The following RYR2 variants were observed in gnomAD, a reference collection of about 807,000 sequenced individuals.
The protein encoded by RYR2 is ryanodine receptor 2.
A neutral mutation model predicts 601.1 loss-of-function variants in RYR2; 227 were observed. The ratio of observed to expected loss-of-function variants is 0.38; its 90% CI spans 0.34 to 0.42. The LOEUF (loss-of-function observed/expected upper bound fraction) is 0.42. Ranked by LOEUF, RYR2 falls within the 10% of genes least tolerant of loss-of-function variation. RYR2 has a pLI of 1.00. For synonymous variants in RYR2, 2,223 were observed against 2,175.1 expected (o/e 1.02, Z -0.61); for missense variants, 4,646 against 6,156.5 (o/e 0.75, Z 8.21).
At chr1:237,321,548 G>A (rs75894029) in intron 2 of RYR2, among the ~76,000 whole-genome samples, 5,786 of 152,252 alleles carry the variant, frequency 0.038, 257 homozygotes, top group African/African-American at 0.11. Flanking sequence ...GTCATTGAGT[G>A]ATAACAGACC....
rs1421654941 is a variant in RYR2 at position 237,669,852 on chromosome 1, C to T, written c.8590+1894C>T. Reference sequence around the variant, plus strand: ...TCCTCACATCCCAGATGATGGGCGGCCAGGCAGAGACGCTCCTCACTTCCC... The same window carrying T: ...TCCTCACATCCCAGATGATGGGCGGTCAGGCAGAGACGCTCCTCACTTCCC... On this transcript the variant is annotated intron_variant, in intron 58 of 104. Coordinates refer to ENST00000366574, the MANE Select transcript of RYR2 (RefSeq NM_001035.3). Among the ~76,000 whole-genome samples the T allele has an allele frequency of 9.9e-5, 15 of 152,008 alleles. 1 individual carries two copies. The highest frequency in any genetic ancestry group is 8.5e-4 in the Admixed American group (13 of 15,288).
chr1:237,294,141 A>G (rs1692513221), intron 2 of RYR2, among the ~76,000 whole-genome samples: 2 of 152,162 alleles, frequency 1.3e-5, no homozygotes, highest in African/African-American at 2.4e-5. Flanking sequence ...CAGAACAGAT[A>G]TTTTCCATAT....
chr1:237,498,033 T>G (rs947399211), intron 20 of RYR2, among the ~76,000 whole-genome samples: 1 of 151,998 alleles, frequency 6.6e-6, no homozygotes, highest in African/African-American at 2.4e-5. Flanking sequence ...CGGCTAATTT[T>G]TATATATATT....
At chr1:237,389,168 G>A (rs1268387510) in intron 10 of RYR2, among the ~76,000 whole-genome samples, 3 of 152,166 alleles carry the variant, frequency 2.0e-5, no homozygotes, top group Non-Finnish European at 2.9e-5. Context: ...GATGTCGATG[G>A]TGTCAGTAGG....
At chr1:237,715,265 C>T (rs1436636944) in intron 71 of RYR2, among the ~76,000 whole-genome samples, 1 of 152,122 alleles carries the variant, frequency 6.6e-6, no homozygotes, top group African/African-American at 2.4e-5. Context: ...TTGGCAGCTG[C>T]CCCAAAGGAG....
intron 1 of RYR2, among the ~76,000 whole-genome samples, chr1:237,168,915 TA>T (rs1175094248): frequency 6.6e-6 from 1 of 152,154 alleles, no homozygotes; most frequent in Non-Finnish European, 1.5e-5. Context: ...TTTGAAACAA[TA>T]TGGTTATTGG....
chr1:237,290,917 T>G (rs1692120567), intron 2 of RYR2, among the ~76,000 whole-genome samples: 1 of 152,210 alleles, frequency 6.6e-6, no homozygotes. Flanking sequence ...TTATAAGGAA[T>G]GCACAAATTA....
chr1:237,386,617 A>G (rs1472012873), intron 8 of RYR2, among the ~76,000 whole-genome samples: 1 of 152,226 alleles, frequency 6.6e-6, no homozygotes, highest in Non-Finnish European at 1.5e-5. Flanking sequence ...TGTTTTTCTT[A>G]GTTAACATTT....
Position 237,792,404 on chromosome 1 carries a change from T to C in RYR2, c.13782+81T>C, listed in dbSNP as rs1481368967. On this transcript the variant is annotated intron_variant, in intron 94 of 104. Transcript: ENST00000366574. ...GTGCGTGTGTGTGTGTGTGCGTGTG[T>C]GTGTGTGTGTGTGTGTGTGTTTTGC... is the stretch of plus-strand genomic sequence containing the variant. 125 of 618,664 alleles carry C rather than the reference T, an allele frequency of 2.0e-4. 3 individuals carry two copies. The highest frequency in any genetic ancestry group is 4.7e-4 in the Middle Eastern group (1 of 2,124). The allele number at this position is 618,664 out of a possible 1,614,324, so 38.3% of individuals were successfully genotyped here.
intron 2 of RYR2, among the ~76,000 whole-genome samples, chr1:237,291,437 A>G (rs1692179631): frequency 6.6e-6 from 1 of 152,154 alleles, no homozygotes. Flanking sequence ...AGTCCTTGGT[A>G]TTTACCCAAA....
At chr1:237,157,211 A>G (rs139363489) in intron 1 of RYR2, among the ~76,000 whole-genome samples, 2,801 of 146,632 alleles carry the variant, frequency 0.019, 69 homozygotes, top group South Asian at 0.1. Flanking sequence ...CAGGAGAATC[A>G]CTTGAACCCA....
intron 25 of RYR2, among the ~76,000 whole-genome samples, chr1:237,536,714 CAAAAAAAAAA>C (rs71561885): frequency 1.8e-5 from 1 of 54,420 alleles, no homozygotes; most frequent in Non-Finnish European, 3.3e-5. Flanking sequence ...GATTCCGTCT[CAAAAAAAAAA>C]AAAAAAAAAA....
At position 237,087,461 on chromosome 1, in the gene RYR2, G is replaced by C. The variant is rs919720416; in HGVS notation, c.48+44892G>C. Reference sequence around the variant, plus strand: ...CAGGATAAAAAATGTAAATGTTTTTGTTTAAAGGGAGATGCAAAATGTGAG... The same window carrying C: ...CAGGATAAAAAATGTAAATGTTTTTCTTTAAAGGGAGATGCAAAATGTGAG... On this transcript the variant is annotated intron_variant, in intron 1 of 104. Coordinates refer to ENST00000366574, the MANE Select transcript of RYR2 (RefSeq NM_001035.3). Among the ~76,000 whole-genome samples, 4 of 152,082 alleles carry C rather than the reference G, an allele frequency of 2.6e-5. No homozygotes were observed. In the East Asian group the frequency reaches 7.7e-4, roughly 29 times the overall value.
At chr1:237,569,030 T>C in intron 28 of RYR2, 115 bp from the exon 29 acceptor site, 1 of 830,662 alleles carries the variant, frequency 1.2e-6, no homozygotes. Context: ...CAGCTGGAGT[T>C]TCTCCTACTG....
chr1:237,593,117 C>T (rs1675415285), intron 32 of RYR2, among the ~76,000 whole-genome samples: 1 of 151,658 alleles, frequency 6.6e-6, no homozygotes, highest in Non-Finnish European at 1.5e-5. Context: ...GGTTTTATTA[C>T]ATACATACAC....
chr1:237,312,114 G>A (rs574320573), intron 2 of RYR2, among the ~76,000 whole-genome samples: 7 of 152,158 alleles, frequency 4.6e-5, no homozygotes, highest in Non-Finnish European at 7.3e-5. Context: ...TAGATTGTCA[G>A]GAGTGAGCAA....
chr1:237,717,575 C>T (rs940081277), intron 72 of RYR2, among the ~76,000 whole-genome samples: 2 of 152,026 alleles, frequency 1.3e-5, no homozygotes, highest in African/African-American at 4.8e-5. Context: ...TAATCACCTC[C>T]GGGACACATT....
Position 237,625,644 on chromosome 1 carries a change from C to T in RYR2, c.6023-17C>T, listed in dbSNP as rs1045915696. 3 of 1,603,538 alleles carry T rather than the reference C, an allele frequency of 1.9e-6. No individual in the cohort carries two copies. Among genetic ancestry groups the T allele is most frequent in the Admixed American group, 1.7e-5 (1 of 57,700 alleles). On this transcript the variant is annotated splice_polypyrimidine_tract_variant and intron_variant, in intron 39 of 104. Transcript: ENST00000366574. Reference sequence around the variant, plus strand: ...TCTTTAAATATTTTTTTCTGCCTCTCTGTTTTTTTATACTAGGAATTGAGC... The same window carrying T: ...TCTTTAAATATTTTTTTCTGCCTCTTTGTTTTTTTATACTAGGAATTGAGC...
chr1:237,126,129 C>T (rs370015314), intron 1 of RYR2, among the ~76,000 whole-genome samples: 1 of 151,640 alleles, frequency 6.6e-6, no homozygotes, highest in Non-Finnish European at 1.5e-5. Context: ...CCCAGCTACT[C>T]GGGAGGCTGA....
Sources: allele counts gnomAD v4.1 joint callset (sites outside exome capture counted in the v4.1 genomes callset), GRCh38; gene constraint gnomAD v4.1.1; transcripts MANE v1.5; gene names NCBI Gene and HGNC (gene_info 2026-07-23, HGNC 2026-07-21).